LRP1B: variants seen among roughly 807,000 people sequenced by gnomAD.
LRP1B encodes the protein low-density lipoprotein receptor-related protein 1B.
In LRP1B, 217 loss-of-function variants were observed where a neutral mutation model predicts 556.6. The ratio of observed to expected loss-of-function variants is 0.39; its 90% confidence interval spans 0.35 to 0.44. The LOEUF is 0.44. Ranked by LOEUF, LRP1B falls within the 20% of genes least tolerant of loss-of-function variation. LRP1B has a pLI of 1.00. For missense variants in LRP1B, 5,053 were observed against 5,620.8 expected (o/e 0.90, Z 3.23); for synonymous variants, 2,047 against 1,865.8 (o/e 1.10, Z -2.50).
At chr2:140,637,489 G>T (rs1487975838) in intron 41 of LRP1B, among the ~76,000 whole-genome samples, 1 of 152,142 alleles carries the variant, frequency 6.6e-6, no homozygotes, top group Admixed American at 6.5e-5. Context: ...TACATTAGAA[G>T]GTGACATAAG....
intron 2 of LRP1B, among the ~76,000 whole-genome samples, chr2:141,634,439 G>C (rs1689028414): frequency 6.6e-6 from 1 of 151,774 alleles, no homozygotes; most frequent in Non-Finnish European, 1.5e-5. Flanking sequence ...CCATTGTTTT[G>C]TAGATGAAAA....
At chr2:140,766,866 A>T (rs963680751) in intron 35 of LRP1B, among the ~76,000 whole-genome samples, 5 of 116,360 alleles carry the variant, frequency 4.3e-5, no homozygotes, top group African/African-American at 9.1e-5. Context: ...ATATATATAT[A>T]ATATATATAA....
At chr2:140,980,968 T>C (rs1179251285) in intron 18 of LRP1B, among the ~76,000 whole-genome samples, 1 of 152,132 alleles carries the variant, frequency 6.6e-6, no homozygotes, top group African/African-American at 2.4e-5. Context: ...TGGAGGCCAT[T>C]ATATTAAGTG....
chr2:141,534,904 A>G (rs1483138), intron 2 of LRP1B, among the ~76,000 whole-genome samples: 148,081 of 152,228 alleles, frequency 0.97, 72,153 homozygotes, highest in East Asian at 1. Flanking sequence ...GTTTCCCCCC[A>G]CTACTTCCTT....
intron 2 of LRP1B, among the ~76,000 whole-genome samples, chr2:141,607,989 C>T (rs1457021054): frequency 1.3e-5 from 2 of 152,038 alleles, no homozygotes; most frequent in Non-Finnish European, 2.9e-5. Flanking sequence ...CTTTGGGAGG[C>T]CAAGGTGGGC....
chr2:140,815,206 G>T (rs143376504), intron 31 of LRP1B, among the ~76,000 whole-genome samples: 1 of 151,874 alleles, frequency 6.6e-6, no homozygotes, highest in African/African-American at 2.4e-5. Context: ...AGATTCAAGT[G>T]CACTGAGAAA....
At chr2:140,804,177 T>A (rs1690628261) in intron 32 of LRP1B, among the ~76,000 whole-genome samples, 1 of 152,078 alleles carries the variant, frequency 6.6e-6, no homozygotes, top group African/African-American at 2.4e-5. Context: ...TTTCAAATTA[T>A]CAGACTCCCC....
chr2:141,165,165 G>T (rs1031723920), intron 7 of LRP1B, among the ~76,000 whole-genome samples: 1 of 151,928 alleles, frequency 6.6e-6, no homozygotes, highest in Non-Finnish European at 1.5e-5. Flanking sequence ...AGCTCTAGTT[G>T]CCAGTATGTT....
At chr2:142,002,058 G>A (rs927037744) in intron 1 of LRP1B, among the ~76,000 whole-genome samples, 3 of 152,034 alleles carry the variant, frequency 2.0e-5, no homozygotes, top group East Asian at 1.9e-4. Flanking sequence ...TAGCCAAAAG[G>A]ATGGCCTCCA....
chr2:140,592,619 A>G (rs1333731211), intron 43 of LRP1B, among the ~76,000 whole-genome samples: 1 of 152,156 alleles, frequency 6.6e-6, no homozygotes, highest in Non-Finnish European at 1.5e-5. Flanking sequence ...TTAAAACTAT[A>G]TTATCAATAA....
intron 41 of LRP1B, among the ~76,000 whole-genome samples, chr2:140,623,264 T>G (rs528302400): frequency 2.6e-5 from 4 of 152,220 alleles, no homozygotes; most frequent in Non-Finnish European, 4.4e-5. Flanking sequence ...AACTACCAAT[T>G]TATTTATAAT....
intron 84 of LRP1B, among the ~76,000 whole-genome samples, chr2:140,292,374 T>G (rs1175556206): frequency 6.6e-6 from 1 of 152,188 alleles, no homozygotes; most frequent in Admixed American, 6.5e-5. Flanking sequence ...CCAGCTCTCC[T>G]GTAGAAAAAT....
intron 80 of LRP1B, among the ~76,000 whole-genome samples, chr2:140,324,679 ATAAT>A (rs967127538): frequency 1.3e-5 from 2 of 152,166 alleles, no homozygotes; most frequent in Non-Finnish European, 2.9e-5. Flanking sequence ...ATTTTATAGA[ATAAT>A]TATTCTAACT....
chr2:142,071,478 T>G (rs1705307395), intron 1 of LRP1B, among the ~76,000 whole-genome samples: 1 of 151,874 alleles, frequency 6.6e-6, no homozygotes, highest in African/African-American at 2.4e-5. Flanking sequence ...CAGTTGGAAA[T>G]GTTGAAAAAA....
intron 68 of LRP1B, among the ~76,000 whole-genome samples, chr2:140,376,560 CTCTCCT>C (rs1371847667): frequency 6.6e-6 from 1 of 152,044 alleles, no homozygotes; most frequent in Admixed American, 6.5e-5. Context: ...AAAAATGTAA[CTCTCCT>C]TTGTGTTTAA....
At chr2:141,708,644 G>T (rs1305040749) in intron 2 of LRP1B, among the ~76,000 whole-genome samples, 2 of 151,642 alleles carry the variant, frequency 1.3e-5, no homozygotes, top group East Asian at 3.9e-4. Context: ...ATGACCACCT[G>T]TGATGAACTG....
Position 140,994,077 on chromosome 2 carries a change from G to A in LRP1B, c.2562C>T (p.Asn854=). 1 of 1,612,696 alleles carries A rather than the reference G, an allele frequency of 6.2e-7. No individual in the cohort carries two copies. Among genetic ancestry groups the A allele is most frequent in the Non-Finnish European group, 8.5e-7 (1 of 1,179,148 alleles). The part of the protein sequence containing the change: ...ICKAGEFRCK[N]RHCIQARWKC... ...TCCACCGAGCTTGGATACAGTGTCT[G>A]TTTTTGCAGCGAAACTCTCCAGCTT... The change falls in exon 16 of 91, where the codon AAC becomes AAT. Residue 854 remains asparagine, a synonymous_variant. Transcript: ENST00000389484.
chr2:140,503,215 GAGAAATAT>G, intron 53 of LRP1B, 112 bp from the exon 54 acceptor site: 1 of 894,250 alleles, frequency 1.1e-6, no homozygotes, highest in South Asian at 2.0e-5. Context: ...TGTCTCCCAT[GAGAAATAT>G]TTCTCATTTC....
At chr2:141,616,291 A>T (rs927155239) in intron 2 of LRP1B, among the ~76,000 whole-genome samples, 1 of 87,156 alleles carries the variant, frequency 1.1e-5, no homozygotes, top group Non-Finnish European at 2.8e-5. Context: ...AAGAAAATAA[A>T]AAAAAAAAAA....
Sources: allele counts gnomAD v4.1 joint callset (sites outside exome capture counted in the v4.1 genomes callset), GRCh38; gene constraint gnomAD v4.1.1; transcripts MANE v1.5; gene names NCBI Gene and HGNC (gene_info 2026-07-23, HGNC 2026-07-21).